Variants in KALRN observed in about 807,000 individuals in gnomAD.
KALRN encodes the protein kalirin RhoGEF kinase.
A neutral mutation model predicts 353.7 loss-of-function variants in KALRN; 70 were observed. The observed-to-expected ratio is 0.20, with a 90% CI of 0.16 to 0.24. The LOEUF is 0.24. KALRN is among the 10% of genes least tolerant of loss of function. The pLI is 1.00. For missense variants in KALRN, 2,791 were observed against 3,756.7 expected (o/e 0.74, Z 6.72); for synonymous variants, 1,391 against 1,434.8 (o/e 0.97, Z 0.69).
At chr3:124,317,232 G>GA (rs1026288294) in intron 6 of KALRN, among the ~76,000 whole-genome samples, 5 of 152,220 alleles carry the variant, frequency 3.3e-5, no homozygotes, top group African/African-American at 1.2e-4. Context: ...TCCCTCAAGG[G>GA]AGAGGGAAGT....
At chr3:124,273,992 A>G (rs2074437556) in intron 5 of KALRN, among the ~76,000 whole-genome samples, 2 of 152,166 alleles carry the variant, frequency 1.3e-5, no homozygotes, top group Non-Finnish European at 2.9e-5. Flanking sequence ...TGCCCTGCAA[A>G]CACAACCTAT....
chr3:124,599,137 G>T (rs1312192524), intron 34 of KALRN, among the ~76,000 whole-genome samples: 1 of 152,180 alleles, frequency 6.6e-6, no homozygotes, highest in Non-Finnish European at 1.5e-5. Flanking sequence ...GCCCGCAAGT[G>T]GGTATTATTT....
chr3:124,683,204 A>G (rs906341771), intron 51 of KALRN, among the ~76,000 whole-genome samples: 7 of 152,322 alleles, frequency 4.6e-5, no homozygotes, highest in African/African-American at 1.7e-4. Flanking sequence ...CATTTTTTCC[A>G]GTAAGGTTAG....
At chr3:124,214,459 TTCACATGCACATTTA>T (rs2077146806) in intron 1 of KALRN, among the ~76,000 whole-genome samples, 1 of 152,192 alleles carries the variant, frequency 6.6e-6, no homozygotes, top group Admixed American at 6.5e-5. Flanking sequence ...ATGTTCTGAG[TTCACATGCACATTTA>T]TCCATGGACA....
At chr3:124,680,446 A>G (rs1846892) in intron 51 of KALRN, among the ~76,000 whole-genome samples, 25,114 of 152,322 alleles carry the variant, frequency 0.16, 2,489 homozygotes, top group Middle Eastern at 0.29. Context: ...TTTCATTCAG[A>G]GAATGTTTTT....
intron 33 of KALRN, among the ~76,000 whole-genome samples, chr3:124,505,142 A>C (rs565637309): frequency 6.6e-6 from 1 of 152,278 alleles, no homozygotes; most frequent in African/African-American, 2.4e-5. Flanking sequence ...TTCTGTATCA[A>C]TTAAGGAGAA....
At chr3:124,516,841 G>A (rs186043115) in intron 33 of KALRN, among the ~76,000 whole-genome samples, 10 of 150,802 alleles carry the variant, frequency 6.6e-5, no homozygotes, top group South Asian at 2.1e-4. Flanking sequence ...TACATGAGAC[G>A]GAGTCTCACT....
chr3:124,663,791 CAG>C (rs2085203942), intron 45 of KALRN, among the ~76,000 whole-genome samples: 1 of 151,960 alleles, frequency 6.6e-6, no homozygotes, highest in African/African-American at 2.4e-5. Context: ...AGATACAAGA[CAG>C]AGATATAGTT....
At chr3:124,689,649 G>A (rs1440148207) in intron 51 of KALRN, among the ~76,000 whole-genome samples, 3 of 152,144 alleles carry the variant, frequency 2.0e-5, no homozygotes, top group Admixed American at 6.5e-5. Flanking sequence ...GCACACACCA[G>A]CAATGACCAC....
intron 5 of KALRN, among the ~76,000 whole-genome samples, chr3:124,276,831 A>G (rs891237943): frequency 6.6e-6 from 1 of 152,210 alleles, no homozygotes; most frequent in African/African-American, 2.4e-5. Context: ...GTATAGGGGC[A>G]TCATTTCACA....
rs775561803 is a variant in KALRN, at chr3:124,637,233, A to G, written c.5594A>G (p.Gln1865Arg). 6.2e-6 allele frequency: 10 copies of G among 1,614,126 alleles called. No homozygotes were observed. In the East Asian group the frequency reaches 2.0e-4, roughly 32 times the overall value. ...EMSSSLLAARQASTEVPTAAD... is the reference protein window; with the variant it reads ...EMSSSLLAARRASTEVPTAAD... ...TCCTCCTCTTTGCTAGCAGCCCGGC[A>G]GGCTTCCACTGAAGTACCTACTGCT... The change falls in exon 37 of 60, where the codon CAG becomes CGG. Residue 1865 changes from glutamine to arginine, a missense_variant. Coordinates refer to ENST00000682506, the MANE Select transcript of KALRN (RefSeq NM_001388419.1).
At chr3:124,255,989 G>T (rs2071916629) in intron 3 of KALRN, among the ~76,000 whole-genome samples, 2 of 152,166 alleles carry the variant, frequency 1.3e-5, no homozygotes, top group Non-Finnish European at 1.5e-5. Flanking sequence ...GGATGATCAG[G>T]CAATAATGTA....
At chr3:124,691,385 A>G (rs943853999) in intron 51 of KALRN, among the ~76,000 whole-genome samples, 2 of 152,194 alleles carry the variant, frequency 1.3e-5, no homozygotes, top group Non-Finnish European at 2.9e-5. Context: ...CTGAGATCAC[A>G]CCATTGTACT....
chr3:124,419,512 C>T (rs1470579100), intron 14 of KALRN, among the ~76,000 whole-genome samples: 1 of 152,022 alleles, frequency 6.6e-6, no homozygotes, highest in Non-Finnish European at 1.5e-5. Flanking sequence ...GTACTTTCCA[C>T]CACAGCATAT....
chr3:124,035,913 T>C (rs1446751622), intron 1 of KALRN, among the ~76,000 whole-genome samples: 3 of 152,210 alleles, frequency 2.0e-5, no homozygotes, highest in South Asian at 2.1e-4. Flanking sequence ...AAATGACTGA[T>C]GACCTGTAAC....
At chr3:124,577,888 AACAAAAC>A (rs753717116) in intron 34 of KALRN, among the ~76,000 whole-genome samples, 146 of 151,162 alleles carry the variant, frequency 9.7e-4, no homozygotes, top group African/African-American at 3.3e-3. Flanking sequence ...CAAACAAACA[AACAAAAC>A]CCCCCACCAT....
Position 124,455,297 on chromosome 3 carries a change from T to C in KALRN, c.3673T>C (p.Phe1225Leu). The change falls in exon 22 of 60, where the codon TTC (phenylalanine) becomes CTC (leucine). Residue 1225 changes from phenylalanine (F) to leucine (L), a missense_variant. Physicochemically the swap from Phe to Leu is conservative, Grantham distance 22. Transcript: ENST00000682506. ...CACGGTGGACAAGCACTACAGAGAT[T>C]TCTCCCTGAGGATGGGAAAGTACCG... is the stretch of plus-strand genomic sequence containing the variant. ...VTTVDKHYRD[F>L]SLRMGKYRYS... 1 of 1,614,106 alleles carries C rather than the reference T, an allele frequency of 6.2e-7. No homozygotes were observed. Among genetic ancestry groups the C allele is most frequent in the South Asian group, 1.1e-5 (1 of 91,072 alleles).
chr3:124,283,938 A>G (rs1380675462), intron 5 of KALRN, among the ~76,000 whole-genome samples: 1 of 152,194 alleles, frequency 6.6e-6, no homozygotes, highest in Non-Finnish European at 1.5e-5. Flanking sequence ...GAAAGAGACT[A>G]GCATACATTC....
chr3:124,231,403 G>A (rs1447026586), intron 2 of KALRN, among the ~76,000 whole-genome samples: 6 of 152,080 alleles, frequency 3.9e-5, no homozygotes, highest in Admixed American at 3.9e-4. Context: ...CTTCCTTTTG[G>A]CCACCTCCTC....
Sources: allele counts gnomAD v4.1 joint callset (sites outside exome capture counted in the v4.1 genomes callset), GRCh38; gene constraint gnomAD v4.1.1; transcripts MANE v1.5; gene names NCBI Gene and HGNC (gene_info 2026-07-23, HGNC 2026-07-21).